The following KTN1 variants were observed in gnomAD, a reference collection of about 807,000 sequenced individuals.
The protein encoded by KTN1 is kinectin.
A neutral mutation model predicts 222.5 loss-of-function variants in KTN1; 130 were observed. That is an observed-to-expected ratio of 0.58 (90% confidence interval 0.51 to 0.68). The LOEUF is 0.68. Ranked by LOEUF, KTN1 falls within the 30% of genes least tolerant of loss-of-function variation. The probability of loss-of-function intolerance (pLI) is 0.00; values close to 1 mark genes in which losing one functional copy is unlikely to be tolerated. For synonymous variants in KTN1, 512 were observed against 496.3 expected (o/e 1.03, Z -0.42); for missense variants, 1,508 against 1,500.4 (o/e 1.01, Z -0.08).
intron 43 of KTN1, 49 bp downstream of exon 43, chr14:55,679,734 T>C: frequency 6.4e-7 from 1 of 1,570,110 alleles, no homozygotes; most frequent in African/African-American, 1.4e-5. Flanking sequence ...ATGTTATGTG[T>C]CTGTGTAATG....
intron 1 of KTN1, among the ~76,000 whole-genome samples, chr14:55,584,929 T>C (rs940059521): frequency 1.3e-5 from 2 of 152,116 alleles, no homozygotes; most frequent in South Asian, 4.1e-4. Flanking sequence ...GCCCAGCAGT[T>C]TGGGACCAGC....
chr14:55,581,219 G>C (rs1310950644), intron 1 of KTN1, among the ~76,000 whole-genome samples: 3 of 152,150 alleles, frequency 2.0e-5, no homozygotes, highest in African/African-American at 7.2e-5. Flanking sequence ...GAAGGCGCTG[G>C]GTGCACTAGA....
chr14:55,654,474 C>T (rs373071268), intron 28 of KTN1, among the ~76,000 whole-genome samples: 1 of 150,524 alleles, frequency 6.6e-6, no homozygotes, highest in African/African-American at 2.4e-5. Flanking sequence ...TCATTTCTGG[C>T]CTGTTTATAG....
intron 31 of KTN1, among the ~76,000 whole-genome samples, chr14:55,659,917 G>A (rs1014276314): frequency 6.6e-6 from 1 of 152,086 alleles, no homozygotes; most frequent in African/African-American, 2.4e-5. Context: ...TGAGGGAGAT[G>A]TTTGTTTTTG....
At position 55,684,232 on chromosome 14, in the gene KTN1, A is replaced by G. The variant is rs1228603388; in HGVS notation, c.*129A>G. ...CACTGAACAGAGTTTTGTCTTTTCT[A>G]ATCCTTGTTAGACTACTGATTTAAA... On this transcript the variant is annotated 3_prime_UTR_variant, in exon 44 of 44. Transcript: ENST00000395314. 2 of 662,230 alleles carry G rather than the reference A, an allele frequency of 3.0e-6. No individual in the cohort carries two copies. The highest frequency in any genetic ancestry group is 6.9e-5 in the Admixed American group (2 of 28,822). 41.0% of individuals were successfully genotyped at this position (662,230 alleles called of 1,614,324 possible). A position where few individuals can be genotyped will look rare whatever the true frequency, so the allele number is the denominator to read the frequency against.
rs577445086 is a variant in KTN1, at chr14:55,583,634, A to G, written c.-31+3280A>G. On this transcript the variant is annotated intron_variant, in intron 1 of 43. Coordinates refer to ENST00000395314, the MANE Select transcript of KTN1 (RefSeq NM_001079521.2). ...TACATCTTCTACTCTTAAACTTGAC[A>G]TGCTCAGTCCTTGTTTCACTTTTCT... Among the ~76,000 whole-genome samples, 6 of 152,282 alleles carry G rather than the reference A, an allele frequency of 3.9e-5. No homozygotes were observed. The South Asian group carries it at 6.2e-4, about 16-fold the overall frequency.
chr14:55,594,920 G>GT (rs1373879093), intron 1 of KTN1, among the ~76,000 whole-genome samples: 1 of 152,152 alleles, frequency 6.6e-6, no homozygotes, highest in Non-Finnish European at 1.5e-5. Context: ...TCTGTACTGT[G>GT]TTTTTTCACC....
rs766630791 is a variant in KTN1 at position 55,673,004 on chromosome 14, G to A, written c.3679G>A (p.Val1227Ile). The A allele has an allele frequency of 1.1e-5, 17 of 1,609,350 alleles. No homozygotes were observed. The East Asian group carries it at 3.6e-4, about 34-fold the overall frequency. The stretch of plus-strand genomic sequence containing the variant: ...GGAACGATCTACCTATGTTACAGAA[G>A]TCAGAGAGGTACTTACAACAGAATC... ...EMERSTYVTE[V>I]RELKDLLTEL... Residue 1227 changes from valine (V) to isoleucine (I), a missense_variant, in exon 39 of 44, where the codon GTC (valine) becomes ATC (isoleucine). By Grantham distance (29) the Val-to-Ile change is conservative. Transcript: ENST00000395314.
chr14:55,675,477 G>A (rs954593585), intron 40 of KTN1: 2 of 174,598 alleles, frequency 1.1e-5, no homozygotes, highest in African/African-American at 4.8e-5. Flanking sequence ...GATTAAGAAA[G>A]CCTTTAAAAA....
At position 55,613,411 on chromosome 14, in the gene KTN1, A is replaced by G. The variant is rs549208703; in HGVS notation, c.523+840A>G. Among the ~76,000 whole-genome samples the G allele has an allele frequency of 1.4e-4, 22 of 152,208 alleles. No homozygotes were observed. The South Asian group carries it at 4.4e-3, about 30-fold the overall frequency. ...TTGGCGTGGCGATGTGTGAAACTGT[A>G]AACAGTTTGTTTTATTTGAAAGGAC... On this transcript the variant is annotated intron_variant, in intron 2 of 43. Transcript: ENST00000395314.
chr14:55,603,324 C>T (rs1267018596), intron 1 of KTN1, among the ~76,000 whole-genome samples: 1 of 152,202 alleles, frequency 6.6e-6, no homozygotes, highest in Non-Finnish European at 1.5e-5. Flanking sequence ...TAGAGTTCTT[C>T]TAACTTTTAA....
intron 1 of KTN1, among the ~76,000 whole-genome samples, chr14:55,584,250 A>G (rs903296099): frequency 1.3e-5 from 2 of 152,174 alleles, no homozygotes. Flanking sequence ...CCCTCTGCTT[A>G]CTTCTCTCTG....
chr14:55,656,770 A>G (rs2043528349), intron 29 of KTN1, among the ~76,000 whole-genome samples: 1 of 152,064 alleles, frequency 6.6e-6, no homozygotes, highest in African/African-American at 2.4e-5. Flanking sequence ...GCCAGCATAT[A>G]TCATTTATAT....
intron 1 of KTN1, among the ~76,000 whole-genome samples, chr14:55,591,818 C>T (rs1327777101): frequency 1.3e-5 from 2 of 152,012 alleles, no homozygotes; most frequent in African/African-American, 2.4e-5. Context: ...TCAGGTGATC[C>T]GCCCGCCTCG....
intron 40 of KTN1, chr14:55,675,500 G>A (rs2045816971): frequency 5.4e-6 from 1 of 184,538 alleles, no homozygotes; most frequent in Non-Finnish European, 1.1e-5. Context: ...AACGGGTAAA[G>A]TATCTATTTG....
rs1296816258 is a variant in KTN1, at chr14:55,593,906, C to T, written c.-31+13552C>T. Among the ~76,000 whole-genome samples the T allele has an allele frequency of 4.6e-5, 7 of 151,994 alleles. No homozygotes were observed. In the East Asian group the frequency reaches 7.7e-4, roughly 17 times the overall value. ...CAAATCTTGACCCCTTGGTGTCAGG[C>T]GATGAACCTTGTTCTGTTTTGTTGC... On this transcript the variant is annotated intron_variant, in intron 1 of 43. Coordinates refer to ENST00000395314, the MANE Select transcript of KTN1 (RefSeq NM_001079521.2).
chr14:55,622,481 A>G (rs1594903146), intron 5 of KTN1, among the ~76,000 whole-genome samples: 1 of 152,216 alleles, frequency 6.6e-6, no homozygotes, highest in Non-Finnish European at 1.5e-5. Flanking sequence ...CATATGTACT[A>G]TGTCATACTG....
intron 32 of KTN1, among the ~76,000 whole-genome samples, chr14:55,662,069 CTTTTTT>C (rs71131302): frequency 7.7e-6 from 1 of 129,682 alleles, no homozygotes; most frequent in African/African-American, 2.9e-5. Context: ...TCCTCCTGCC[CTTTTTT>C]TTTTTTTTTT....
chr14:55,634,714 C>A (rs991803402), intron 9 of KTN1, 56 bp downstream of exon 9: 4 of 1,466,854 alleles, frequency 2.7e-6, no homozygotes, highest in African/African-American at 2.9e-5. Flanking sequence ...CGTATTAGTT[C>A]GTTTTCATAC....
Sources: gnomAD v4.1 joint callset for allele counts (sites outside exome capture counted in the v4.1 genomes callset) on GRCh38, gnomAD v4.1.1 for gene constraint, MANE v1.5 for transcripts, NCBI Gene and HGNC (gene_info 2026-07-23, HGNC 2026-07-21) for gene names.